CEP126: variants seen among roughly 807,000 people sequenced by gnomAD.
CEP126 encodes the protein centrosomal protein 126, also known as centrosomal protein of 126 kDa.
CEP126 carries 74 observed loss-of-function variants against 107.8 expected under a neutral mutation model. The ratio of observed to expected loss-of-function variants is 0.69; its 90% CI spans 0.57 to 0.83. The LOEUF (loss-of-function observed/expected upper bound fraction) is 0.83. Among genes scored for constraint, CEP126 ranks in the 40% least tolerant of loss-of-function variants. The probability of loss-of-function intolerance (pLI) is 0.00; values close to 1 mark genes in which losing one functional copy is unlikely to be tolerated. For missense variants in CEP126, 1,237 were observed against 1,281.9 expected, an observed-to-expected ratio of 0.96 and a Z score of 0.53; for synonymous variants, 449 against 446.0, an observed-to-expected ratio of 1.01 and a Z score of -0.08.
intron 1 of CEP126, 54 bp from the exon 2 acceptor site, chr11:101,922,587 A>G: frequency 9.3e-6 from 13 of 1,395,584 alleles, no homozygotes; most frequent in Non-Finnish European, 1.3e-5. Flanking sequence ...TATAGCACTG[A>G]CAGTCATCCA....
intron 6 of CEP126, among the ~76,000 whole-genome samples, chr11:101,974,430 T>C (rs2137121774): frequency 6.6e-6 from 1 of 152,190 alleles, no homozygotes; most frequent in South Asian, 2.1e-4. Flanking sequence ...TAAACAGAAC[T>C]GAAATGAAAG....
At chr11:101,978,483 C>A in intron 7 of CEP126, 24 bp downstream of exon 7, 1 of 1,447,642 alleles carries the variant, frequency 6.9e-7, no homozygotes, top group Non-Finnish European at 9.7e-7. Flanking sequence ...TAATCAAAAT[C>A]TCTATTCAAT....
intron 8 of CEP126, among the ~76,000 whole-genome samples, chr11:101,984,129 A>G (rs953178662): frequency 6.6e-6 from 1 of 152,226 alleles, no homozygotes; most frequent in Non-Finnish European, 1.5e-5. Context: ...CGTTAGGTAG[A>G]TGAAGAGTAA....
intron 10 of CEP126, among the ~76,000 whole-genome samples, chr11:101,994,886 T>TA (rs1941424813): frequency 6.6e-6 from 1 of 151,578 alleles, no homozygotes. Flanking sequence ...TTTTTTTTTT[T>TA]AATTATACTT....
chr11:101,987,657 T>C (rs1043249035), intron 9 of CEP126, among the ~76,000 whole-genome samples: 1 of 99,882 alleles, frequency 1.0e-5, no homozygotes, highest in African/African-American at 5.2e-5. Flanking sequence ...GGAGAGGGAA[T>C]TTTTTTCTAA....
rs1448943083 is a variant in CEP126, at chr11:101,999,314, A to C, written c.*1671A>C. The stretch of plus-strand genomic sequence containing the variant: ...AAACTCACTTTTATTAAAAAAAAAA[A>C]AGACAAGGGTTTATATTCATATACA... On this transcript the variant is annotated 3_prime_UTR_variant, in exon 11 of 11. Transcript: ENST00000263468. The C allele has an allele frequency of 1.3e-5, 2 of 151,924 alleles. No individual in the cohort carries two copies. Among genetic ancestry groups the C allele is most frequent in the African/African-American group, 4.8e-5 (2 of 41,356 alleles). 9.4% of individuals were successfully genotyped at this position (151,924 alleles called of 1,614,324 possible).
At chr11:101,983,746 A>C (rs1941284714) in intron 8 of CEP126, among the ~76,000 whole-genome samples, 1 of 152,220 alleles carries the variant, frequency 6.6e-6, no homozygotes, top group Non-Finnish European at 1.5e-5. Flanking sequence ...ACTATAGCTG[A>C]TGAGACAGCC....
intron 2 of CEP126, among the ~76,000 whole-genome samples, chr11:101,936,498 T>C (rs1940581378): frequency 6.6e-6 from 1 of 152,188 alleles, no homozygotes; most frequent in African/African-American, 2.4e-5. Context: ...TATATAATTA[T>C]GTCGTCTGCA....
At chr11:101,930,470 C>T (rs748670394) in intron 2 of CEP126, among the ~76,000 whole-genome samples, 18 of 152,128 alleles carry the variant, frequency 1.2e-4, no homozygotes, top group Non-Finnish European at 2.4e-4. Flanking sequence ...CAGACCCTCG[C>T]GGTGAGTGTT....
intron 2 of CEP126, among the ~76,000 whole-genome samples, chr11:101,932,900 TACCAA>T (rs766081429): frequency 1.3e-5 from 2 of 152,204 alleles, no homozygotes; most frequent in Non-Finnish European, 2.9e-5. Flanking sequence ...TACTGTTATA[TACCAA>T]ACAGATACAT....
Position 101,962,823 on chromosome 11 carries a change from T to C in CEP126, c.1788T>C (p.Asn596=), listed in dbSNP as rs780342844. ...EHGYLKALII[N]QSFKFGNQKA... is the part of the protein sequence containing the mutation. ...GTTATCTTAAGGCATTAATTATAAATCAGAGCTTTAAGTTTGGAAATCAAA... is the reference window on the plus strand; with the variant it reads ...GTTATCTTAAGGCATTAATTATAAACCAGAGCTTTAAGTTTGGAAATCAAA... Residue 596 remains asparagine (N), a synonymous_variant, in exon 6 of 11, where the codon AAT becomes AAC. Coordinates refer to ENST00000263468, the MANE Select transcript of CEP126 (RefSeq NM_020802.4). 1.0e-5 allele frequency: 16 copies of C among 1,602,356 alleles called. No homozygotes were observed. The highest frequency in any genetic ancestry group is 1.4e-5 in the African/African-American group (1 of 73,970).
chr11:101,955,675 A>C (rs899534308), intron 4 of CEP126: 1 of 357,814 alleles, frequency 2.8e-6, no homozygotes, highest in Non-Finnish European at 5.5e-6. Context: ...CATGGACCCT[A>C]TGGACAAGAA....
intron 3 of CEP126, 127 bp downstream of exon 3, chr11:101,944,537 T>A: frequency 1.2e-6 from 1 of 852,592 alleles, no homozygotes; most frequent in Non-Finnish European, 1.8e-6. Flanking sequence ...GACTTTTGAG[T>A]AAAAGCACTT....
intron 6 of CEP126, 82 bp downstream of exon 6, chr11:101,963,962 G>A (rs1941027138): frequency 1.2e-6 from 1 of 853,418 alleles, no homozygotes; most frequent in Non-Finnish European, 1.8e-6. Context: ...TTTATGTATG[G>A]CCATACATAC....
At chr11:101,944,992 A>T (rs926391342) in intron 3 of CEP126, among the ~76,000 whole-genome samples, 3 of 152,236 alleles carry the variant, frequency 2.0e-5, no homozygotes, top group Non-Finnish European at 4.4e-5. Flanking sequence ...TTCAGCAAAC[A>T]TATGGTGTAC....
intron 10 of CEP126, among the ~76,000 whole-genome samples, 186 bp from the exon 11 acceptor site, chr11:101,997,413 A>G (rs1159199796): frequency 3.9e-5 from 6 of 152,252 alleles, no homozygotes; most frequent in African/African-American, 1.4e-4. Flanking sequence ...GTAGAAAGGT[A>G]CTGATGAACA....
chr11:101,927,586 T>A (rs2137082706), intron 2 of CEP126, among the ~76,000 whole-genome samples: 1 of 152,238 alleles, frequency 6.6e-6, no homozygotes, highest in Middle Eastern at 3.4e-3. Flanking sequence ...CCCCTGGAAA[T>A]CACTAATATG....
chr11:101,967,117 C>CT (rs199954846), intron 6 of CEP126, among the ~76,000 whole-genome samples: 1,601 of 147,600 alleles, frequency 0.011, 29 homozygotes, highest in African/African-American at 0.039. Context: ...CAGCCTGGGA[C>CT]TCCTGGACTC....
intron 2 of CEP126, among the ~76,000 whole-genome samples, chr11:101,937,411 C>T (rs1940598873): frequency 6.6e-6 from 1 of 152,194 alleles, no homozygotes; most frequent in South Asian, 2.1e-4. Flanking sequence ...ATACCTGTAT[C>T]AGCTGGCAGA....
Sources: allele counts gnomAD v4.1 joint callset (sites outside exome capture counted in the v4.1 genomes callset), GRCh38; gene constraint gnomAD v4.1.1; transcripts MANE v1.5; gene names NCBI Gene and HGNC (gene_info 2026-07-23, HGNC 2026-07-21).